Variants in KCNG2 observed in about 807,000 individuals in gnomAD.
The protein encoded by KCNG2 is voltage-gated potassium channel regulatory subunit KCNG2.
In KCNG2, 7 loss-of-function variants were observed where a neutral mutation model predicts 12.3. That is an observed-to-expected ratio of 0.57 (90% CI 0.32 to 1.07). KCNG2 has a LOEUF of 1.07. Among genes scored for constraint, KCNG2 ranks in the 50% least tolerant of loss-of-function variants. The pLI, the probability that KCNG2 is intolerant of heterozygous loss-of-function variation, is 0.04. For synonymous variants in KCNG2, 414 were observed against 351.4 expected (o/e 1.18, Z -1.99); for missense variants, 703 against 726.0 (o/e 0.97, Z 0.36).
chr18:79,899,379 T>TTCGGG lies in KCNG2; in HGVS notation c.965_969dup (p.Leu324SerfsTer46). ...GACCATGCGCCGCTGCGCGCGCGAGTTCGGGCTGCTGCTGCTGTTCCTCTG... is the reference window on the plus strand; with the variant it reads ...GACCATGCGCCGCTGCGCGCGCGAGTTCGGGTCGGGCTGCTGCTGCTGTTCCTCTG... On this transcript the variant is annotated frameshift_variant, in exon 4 of 4. Coordinates refer to ENST00000316249, the MANE Select transcript of KCNG2 (RefSeq NM_012283.2). LOFTEE classifies it low-confidence loss of function (END_TRUNC). 1 of 1,563,912 alleles carries TTCGGG rather than the reference T, an allele frequency of 6.4e-7. No homozygotes were observed. The highest frequency in any genetic ancestry group is 1.2e-5 in the South Asian group (1 of 86,550).
At chr18:79,846,832 G>T (rs985665411) in intron 1 of KCNG2, among the ~76,000 whole-genome samples, 1 of 152,112 alleles carries the variant, frequency 6.6e-6, no homozygotes. Flanking sequence ...CCGTGTCACC[G>T]CCGAGGTTAA....
At chr18:79,804,689 G>A (rs1175036226) in intron 1 of KCNG2, among the ~76,000 whole-genome samples, 2 of 152,238 alleles carry the variant, frequency 1.3e-5, no homozygotes, top group Admixed American at 6.5e-5. Flanking sequence ...GCATCAAAAA[G>A]AAGCCAACAG....
rs1978373348 is a variant in KCNG2, at chr18:79,838,688, G to A, written c.-114-17691G>A. ...AGCCTCTCAAAGTGTTGGGATTACA[G>A]GCATGAGCCACCTCACCTGGCCCAA... On this transcript the variant is annotated intron_variant, in intron 1 of 3. Coordinates refer to ENST00000316249, the MANE Select transcript of KCNG2 (RefSeq NM_012283.2). Among the ~76,000 whole-genome samples the A allele has an allele frequency of 3.3e-5, 5 of 152,166 alleles. No individual in the cohort carries two copies. In the South Asian group the frequency reaches 1.0e-3, roughly 31 times the overall value.
chr18:79,869,294 A>G (rs1420344106), intron 3 of KCNG2, among the ~76,000 whole-genome samples: 1 of 152,160 alleles, frequency 6.6e-6, no homozygotes, highest in Non-Finnish European at 1.5e-5. Context: ...CTCAGGGACC[A>G]CGGAAACGCC....
intron 1 of KCNG2, among the ~76,000 whole-genome samples, chr18:79,856,163 C>A (rs1398494658): frequency 1.3e-5 from 2 of 152,136 alleles, no homozygotes; most frequent in Admixed American, 6.5e-5. Flanking sequence ...CAGGTTATAC[C>A]TGATTATCCA....
rs994437861 is a variant in KCNG2 at position 79,800,939 on chromosome 18, C to T, written c.-115+2925C>T. Reference sequence around the variant, plus strand: ...ATCAACAGCAGGTTCAGCCTTTTCACGTGATGGGAGACCATGCCAGGCAGC... The same window carrying T: ...ATCAACAGCAGGTTCAGCCTTTTCATGTGATGGGAGACCATGCCAGGCAGC... On this transcript the variant is annotated intron_variant, in intron 1 of 3. Coordinates refer to ENST00000316249, the MANE Select transcript of KCNG2 (RefSeq NM_012283.2). This position sits in a 1 kb window ranked among gnomAD's most constrained non-coding sequence, Gnocchi z 4.0. Among the ~76,000 whole-genome samples the T allele has an allele frequency of 4.6e-5, 7 of 152,260 alleles. No homozygotes were observed. Among genetic ancestry groups the T allele is most frequent in the Non-Finnish European group, 4.4e-5 (3 of 68,052 alleles).
In KCNG2 at chr18:79,803,565, T is replaced by A. The variant is rs542438687; in HGVS notation, c.-115+5551T>A. On this transcript the variant is annotated intron_variant, in intron 1 of 3. Coordinates refer to ENST00000316249, the MANE Select transcript of KCNG2 (RefSeq NM_012283.2). This position sits in a 1 kb window ranked among gnomAD's most constrained non-coding sequence, Gnocchi z 4.5. ...AGTGCTGGGGACCGACGAGGGGGCC[T>A]GTGATTCTGGGGGCTCCGATCGTGT... Among the ~76,000 whole-genome samples, 17 of 152,316 alleles carry A rather than the reference T, an allele frequency of 1.1e-4. No homozygotes were observed. Among genetic ancestry groups the A allele is most frequent in the African/African-American group, 3.9e-4 (16 of 41,558 alleles).
In KCNG2 at chr18:79,899,314, G is replaced by A. The variant is rs773970618; in HGVS notation, c.899G>A (p.Arg300His). The A allele has an allele frequency of 1.2e-5, 18 of 1,552,886 alleles. No individual in the cohort carries two copies. The highest frequency in any genetic ancestry group is 4.7e-5 in the East Asian group (2 of 42,460). ...LRALRVLYVMRLARHSLGLRS... is the reference protein window; with the variant it reads ...LRALRVLYVMHLARHSLGLRS... ...GCGCTGCGCGTGCTCTACGTGATGC[G>A]CCTGGCGCGCCACTCGCTGGGGCTG... The change falls in exon 4 of 4, where the codon CGC becomes CAC. Residue 300 changes from arginine to histidine, a missense_variant. By Grantham distance (29) the Arg-to-His change is conservative. Coordinates refer to ENST00000316249, the MANE Select transcript of KCNG2 (RefSeq NM_012283.2).
chr18:79,840,047 A>G (rs1978412784), intron 1 of KCNG2, among the ~76,000 whole-genome samples: 1 of 152,250 alleles, frequency 6.6e-6, no homozygotes, highest in Non-Finnish European at 1.5e-5. Flanking sequence ...TCTTCCCCTC[A>G]GATGGAGAAC....
intron 1 of KCNG2, among the ~76,000 whole-genome samples, chr18:79,850,315 C>T (rs1978774198): frequency 6.6e-6 from 1 of 152,176 alleles, no homozygotes; most frequent in Non-Finnish European, 1.5e-5. Context: ...TTATTCTGTT[C>T]CTTGAATATC....
rs777029119 is a variant in KCNG2 at position 79,864,276 on chromosome 18, C to T, written c.609C>T (p.Arg203=). Residue 203 remains arginine (R), a synonymous_variant, in exon 3 of 4, where the codon CGC becomes CGT. Transcript: ENST00000316249. The part of the protein sequence containing the change: ...GLCLSTMPDI[R]AEEERGECSP... ...GCCTGAGCACCATGCCGGACATCCG[C>T]GCCGAGGAGGAGCGGGTGAGCGCGG... is the stretch of plus-strand genomic sequence containing the variant. 5.2e-6 allele frequency: 8 copies of T among 1,534,958 alleles called. No homozygotes were observed. Among genetic ancestry groups the T allele is most frequent in the Non-Finnish European group, 7.0e-6 (8 of 1,146,394 alleles).
intron 3 of KCNG2, among the ~76,000 whole-genome samples, chr18:79,878,566 T>G (rs773415320): frequency 2.0e-5 from 3 of 152,242 alleles, no homozygotes; most frequent in Non-Finnish European, 4.4e-5. Context: ...GCAGCTGTGC[T>G]GCATTCCTCC....
Position 79,809,585 on chromosome 18 carries a change from T to A in KCNG2, c.-115+11571T>A, listed in dbSNP as rs878869169. ...CGCGCTCTGAGGAGCTGCCGGGGCC[T>A]CACTGACCACACTCCACGTTACGGT... On this transcript the variant is annotated intron_variant, in intron 1 of 3. Transcript: ENST00000316249. Among the ~76,000 whole-genome samples, 228 of 46,100 alleles carry A rather than the reference T, an allele frequency of 4.9e-3. 1 individual carries two copies. The highest frequency in any genetic ancestry group is 0.015 in the Middle Eastern group (1 of 68). The allele number at this position is 46,100 out of a possible 152,430, so 30.2% of individuals were successfully genotyped here.
At chr18:79,883,610 G>C (rs1195877640) in intron 3 of KCNG2, among the ~76,000 whole-genome samples, 1 of 152,222 alleles carries the variant, frequency 6.6e-6, no homozygotes, top group East Asian at 1.9e-4. Context: ...GGTGGGGACA[G>C]GGCTGAATTT....
intron 2 of KCNG2, among the ~76,000 whole-genome samples, chr18:79,861,640 G>A (rs1979225604): frequency 6.6e-6 from 1 of 152,160 alleles, no homozygotes; most frequent in Non-Finnish European, 1.5e-5. Context: ...CTTACTTGGA[G>A]TTTGTTGAGT....
At chr18:79,877,579 C>T (rs1279550109) in intron 3 of KCNG2, among the ~76,000 whole-genome samples, 1 of 151,896 alleles carries the variant, frequency 6.6e-6, no homozygotes, top group Admixed American at 6.6e-5. Flanking sequence ...CACCTCCGCC[C>T]CCCCCGAGAG....
At chr18:79,820,688 T>C (rs753021831) in intron 1 of KCNG2, among the ~76,000 whole-genome samples, 2 of 152,164 alleles carry the variant, frequency 1.3e-5, no homozygotes, top group Non-Finnish European at 2.9e-5. Flanking sequence ...AGAGACAGGG[T>C]CTCACTCTGT....
chr18:79,871,311 G>T (rs1024356967), intron 3 of KCNG2, among the ~76,000 whole-genome samples: 3 of 152,206 alleles, frequency 2.0e-5, no homozygotes, highest in Non-Finnish European at 4.4e-5. Context: ...TTGGAGCCCT[G>T]AACGGCCTCA....
rs140841838 is a variant in KCNG2 at position 79,899,162 on chromosome 18, G to A, written c.747G>A (p.Ala249=). The stretch of plus-strand genomic sequence containing the variant: ...AGAGCAAGTGCGCCTTCCTGCGCGC[G>A]CCACTCAACATCATTGACATCCTGG... ...QAESKCAFLR[A]PLNIIDILAL... is the part of the protein sequence containing the mutation. The change falls in exon 4 of 4, where the codon GCG becomes GCA. Residue 249 remains alanine (A), a synonymous_variant. Transcript: ENST00000316249. The A allele has an allele frequency of 6.2e-6, 10 of 1,606,566 alleles. No homozygotes were observed. Among genetic ancestry groups the A allele is most frequent in the South Asian group, 3.3e-5 (3 of 90,968 alleles).
Sources: gnomAD v4.1 joint callset for allele counts (sites outside exome capture counted in the v4.1 genomes callset) on GRCh38, gnomAD v4.1.1 for gene constraint, Gnocchi (gnomAD v3.1) non-coding constraint, MANE v1.5 for transcripts, NCBI Gene and HGNC (gene_info 2026-07-23, HGNC 2026-07-21) for gene names.